The following FAM178B variants were observed in gnomAD, a reference collection of about 807,000 sequenced individuals.
FAM178B encodes protein FAM178B.
Under a neutral mutation model 91.7 loss-of-function variants are expected in FAM178B, and 82 were observed. The ratio of observed to expected loss-of-function variants is 0.89; its 90% CI spans 0.75 to 1.07. The LOEUF (loss-of-function observed/expected upper bound fraction) is 1.07. FAM178B is among the 50% of genes least tolerant of loss of function. The pLI, the probability that FAM178B is intolerant of heterozygous loss-of-function variation, is 0.00. For missense variants in FAM178B, 769 were observed against 846.7 expected (o/e 0.91, Z 1.14); for synonymous variants, 368 against 359.4 (o/e 1.02, Z -0.27).
At chr2:96,951,318 G>T in intron 7 of FAM178B, 61 bp downstream of exon 7, 5 of 1,242,248 alleles carry the variant, frequency 4.0e-6, no homozygotes, top group Non-Finnish European at 4.6e-6. Flanking sequence ...CAGCCTGTGG[G>T]CCTGCCGGGC....
chr2:96,920,915 G>C (rs2081326564), intron 12 of FAM178B, among the ~76,000 whole-genome samples: 1 of 152,180 alleles, frequency 6.6e-6, no homozygotes, highest in African/African-American at 2.4e-5. Flanking sequence ...AGAAAGGAGA[G>C]TGGGGGCCCT....
intron 5 of FAM178B, 115 bp from the exon 6 acceptor site, chr2:96,960,555 C>G (rs959653193): frequency 4.7e-6 from 6 of 1,280,988 alleles, no homozygotes; most frequent in African/African-American, 4.5e-5. Flanking sequence ...CCTTGCAGTC[C>G]TTGCGGCAAA....
chr2:96,967,529 G>C lies in FAM178B; in HGVS notation c.725C>G (p.Pro242Arg). The change falls in exon 5 of 17, where the codon CCC (proline) becomes CGC (arginine). Residue 242 changes from proline to arginine, a missense_variant. Transcript: ENST00000490605. ...GGCCCCTGCCCCTCACCTGTGCTCG[G>C]GTGTGAGTGGCACTTCCTCTTCATC... ...DLDEEEVPLT[P>R]EHRMLVEKYS... 6 of 1,545,020 alleles carry C rather than the reference G, an allele frequency of 3.9e-6. No individual in the cohort carries two copies. Among genetic ancestry groups the C allele is most frequent in the Non-Finnish European group, 5.3e-6 (6 of 1,142,340 alleles).
At position 96,967,528 on chromosome 2, in the gene FAM178B, G is replaced by A. The variant is rs560001046; in HGVS notation, c.726C>T (p.Pro242=). 27 of 1,544,212 alleles carry A rather than the reference G, an allele frequency of 1.7e-5. No individual in the cohort carries two copies. Among genetic ancestry groups the A allele is most frequent in the South Asian group, 6.0e-5 (5 of 83,966 alleles). Residue 242 remains proline (P), a synonymous_variant, in exon 5 of 17, where the codon CCC becomes CCT. Transcript: ENST00000490605. ...DLDEEEVPLT[P]EHRMLVEKYS... is the part of the protein sequence containing the mutation. ...AGGCCCCTGCCCCTCACCTGTGCTC[G>A]GGTGTGAGTGGCACTTCCTCTTCAT...
chr2:96,915,012 GTC>G (rs1213716573), intron 12 of FAM178B, among the ~76,000 whole-genome samples: 2 of 152,114 alleles, frequency 1.3e-5, no homozygotes, highest in Non-Finnish European at 2.9e-5. Flanking sequence ...GGAAGGAGGA[GTC>G]TCCACGGCTG....
intron 13 of FAM178B, among the ~76,000 whole-genome samples, chr2:96,899,548 G>A (rs1254350588): frequency 3.3e-5 from 5 of 151,442 alleles, no homozygotes; most frequent in South Asian, 2.1e-4. Flanking sequence ...GGGAGGCAGC[G>A]CCACTCCATG....
chr2:96,943,916 T>G (rs1366419321), intron 8 of FAM178B, among the ~76,000 whole-genome samples: 1 of 152,194 alleles, frequency 6.6e-6, no homozygotes, highest in East Asian at 1.9e-4. Flanking sequence ...TTGTTTTAAC[T>G]GAGTTAGTTA....
chr2:96,953,126 T>C (rs1226532032), intron 6 of FAM178B, among the ~76,000 whole-genome samples: 1 of 152,198 alleles, frequency 6.6e-6, no homozygotes, highest in Non-Finnish European at 1.5e-5. Context: ...TTCCTGTGGT[T>C]GTGAAGTTTA....
chr2:96,975,094 C>CAAAAAAAAAA (rs34807786), intron 1 of FAM178B, among the ~76,000 whole-genome samples: 2 of 56,278 alleles, frequency 3.6e-5, no homozygotes, highest in East Asian at 8.2e-4. Flanking sequence ...GACTCTGTCT[C>CAAAAAAAAAA]AAAAAAAAAA....
intron 14 of FAM178B, among the ~76,000 whole-genome samples, chr2:96,888,847 G>C (rs2080592742): frequency 6.6e-6 from 1 of 152,138 alleles, no homozygotes; most frequent in Non-Finnish European, 1.5e-5. Flanking sequence ...CAGCTGGGCT[G>C]AGTTTATCCC....
chr2:96,890,810 G>A (rs2080660149), intron 14 of FAM178B, among the ~76,000 whole-genome samples: 1 of 152,102 alleles, frequency 6.6e-6, no homozygotes, highest in Non-Finnish European at 1.5e-5. Context: ...CTCTCCCACA[G>A]GAAAACACCC....
chr2:96,933,960 T>C (rs1232998766), intron 8 of FAM178B, among the ~76,000 whole-genome samples: 2 of 152,250 alleles, frequency 1.3e-5, no homozygotes, highest in Non-Finnish European at 2.9e-5. Context: ...TCTAATCACT[T>C]ATCTTCCCGC....
rs559244924 is a variant in FAM178B, at chr2:96,971,977, G to T, written c.488C>A (p.Pro163Gln). The T allele has an allele frequency of 2.6e-6, 4 of 1,562,668 alleles. No homozygotes were observed. Among genetic ancestry groups the T allele is most frequent in the Non-Finnish European group, 3.5e-6 (4 of 1,153,584 alleles). ...CTCTGGCAAGGCCAGGCCCCTCTTC[G>T]GGTCCAAGTCCAGGTGTTCCTGCTC... is the stretch of plus-strand genomic sequence containing the variant. ...ELEQEHLDLD[P>Q]KRGLALPEKL... Residue 163 changes from proline (P) to glutamine (Q), a missense_variant, in exon 3 of 17, where the codon CCG (proline) becomes CAG (glutamine). By Grantham distance (76) the Pro-to-Gln change is moderately conservative (BLOSUM62 -1). Transcript: ENST00000490605.
At chr2:96,920,953 A>G (rs1441964040) in intron 12 of FAM178B, among the ~76,000 whole-genome samples, 1 of 152,164 alleles carries the variant, frequency 6.6e-6, no homozygotes, top group African/African-American at 2.4e-5. Flanking sequence ...GCACAAGGCA[A>G]TTGTTTTGCT....
At chr2:96,914,082 T>A (rs565848848) in intron 12 of FAM178B, among the ~76,000 whole-genome samples, 11 of 152,242 alleles carry the variant, frequency 7.2e-5, no homozygotes, top group Non-Finnish European at 1.2e-4. Flanking sequence ...TAGTCCACGC[T>A]CTGTTCTGGG....
chr2:96,903,998 G>A (rs6734326), intron 12 of FAM178B, among the ~76,000 whole-genome samples: 11,105 of 152,230 alleles, frequency 0.073, 458 homozygotes, highest in Middle Eastern at 0.12. Flanking sequence ...AACACGAGCT[G>A]GGGCCATGCC....
intron 4 of FAM178B, among the ~76,000 whole-genome samples, chr2:96,968,874 C>T (rs1157336218): frequency 6.6e-6 from 1 of 152,258 alleles, no homozygotes; most frequent in Admixed American, 6.5e-5. Flanking sequence ...ATGCACATCT[C>T]ATCTTGGCTG....
intron 8 of FAM178B, among the ~76,000 whole-genome samples, chr2:96,941,768 T>C (rs1241786750): frequency 6.6e-6 from 1 of 152,164 alleles, no homozygotes; most frequent in Non-Finnish European, 1.5e-5. Context: ...TGGAAGCAAA[T>C]GGAAAAGAAC....
intron 8 of FAM178B, among the ~76,000 whole-genome samples, chr2:96,936,196 T>C (rs1347178985): frequency 6.6e-6 from 1 of 151,990 alleles, no homozygotes; most frequent in African/African-American, 2.4e-5. Context: ...TTTTTATTTA[T>C]TTATTTATTA....
Sources: gnomAD v4.1 joint callset for allele counts (sites outside exome capture counted in the v4.1 genomes callset) on GRCh38, gnomAD v4.1.1 for gene constraint, MANE v1.5 for transcripts, NCBI Gene and HGNC (gene_info 2026-07-23, HGNC 2026-07-21) for gene names.